Variants in MARCO observed in about 807,000 individuals in gnomAD.
The protein encoded by MARCO is macrophage receptor with collagenous structure, also known as macrophage receptor MARCO.
A neutral mutation model predicts 70.0 loss-of-function variants in MARCO; 72 were observed. The observed-to-expected ratio is 1.03, with a 90% CI of 0.85 to 1.25. The LOEUF (loss-of-function observed/expected upper bound fraction) is 1.25. MARCO is among the 50% of genes most tolerant of loss of function. MARCO has a pLI of 0.00. For synonymous variants in MARCO, 273 were observed against 243.1 expected, an observed-to-expected ratio of 1.12 and a Z score of -1.14; for missense variants, 696 against 659.3, an observed-to-expected ratio of 1.06 and a Z score of -0.61.
chr2:118,959,478 A>C (rs1475445689), intron 1 of MARCO, among the ~76,000 whole-genome samples: 1 of 152,196 alleles, frequency 6.6e-6, no homozygotes, highest in Non-Finnish European at 1.5e-5. Context: ...AAAAAATCAA[A>C]AAAACCACAG....
chr2:118,967,980 C>T (rs909057797), intron 1 of MARCO, among the ~76,000 whole-genome samples: 1 of 152,214 alleles, frequency 6.6e-6, no homozygotes, highest in Non-Finnish European at 1.5e-5. Context: ...GCTAGACCAA[C>T]CTGGGGTCAT....
chr2:118,949,119 G>A (rs56211180), intron 1 of MARCO, among the ~76,000 whole-genome samples: 20,097 of 152,128 alleles, frequency 0.13, 1,468 homozygotes, highest in South Asian at 0.27. Flanking sequence ...AGGCTGATCC[G>A]CAGGGTGTTG....
chr2:118,953,781 T>C (rs909803506), intron 1 of MARCO, among the ~76,000 whole-genome samples: 4 of 152,334 alleles, frequency 2.6e-5, no homozygotes, highest in Non-Finnish European at 4.4e-5. Flanking sequence ...CCTCGTCTCC[T>C]GAACACACAC....
At chr2:118,985,729 C>T (rs1011425481) in intron 12 of MARCO, among the ~76,000 whole-genome samples, 23 of 152,186 alleles carry the variant, frequency 1.5e-4, no homozygotes, top group African/African-American at 2.4e-4. Context: ...GACTCCACTT[C>T]GGCTTGTAAT....
At position 118,969,213 on chromosome 2, in the gene MARCO, A is replaced by T; in HGVS notation, c.151A>T (p.Ile51Phe). The change falls in exon 2 of 17, where the codon ATC becomes TTC. Residue 51 changes from isoleucine (I) to phenylalanine (F), a missense_variant. Physicochemically the swap from Ile to Phe is conservative, Grantham distance 21. This residue lies in a region of MARCO where 605 missense variants were observed against 537.6 expected (regional missense o/e 1.13). Coordinates refer to ENST00000327097, the MANE Select transcript of MARCO (RefSeq NM_006770.4). ...GVNFSLAVVV[I>F]YLILLTAGAG... ...GAACTTCTCCCTAGCTGTGGTGGTC[A>T]TCTACCTGATCCTGCTCACCGCTGG... The T allele has an allele frequency of 6.2e-7, 1 of 1,614,246 alleles. No homozygotes were observed. Among genetic ancestry groups the T allele is most frequent in the Non-Finnish European group, 8.5e-7 (1 of 1,180,044 alleles).
intron 1 of MARCO, among the ~76,000 whole-genome samples, chr2:118,961,556 T>A (rs1222366570): frequency 6.6e-6 from 1 of 152,216 alleles, no homozygotes; most frequent in Admixed American, 6.5e-5. Flanking sequence ...ATTCACTTTT[T>A]AATGAGGTTG....
chr2:118,982,252 C>A lies in MARCO; in HGVS notation c.998C>A (p.Ala333Glu). The change falls in exon 11 of 17, where the codon GCA (alanine) becomes GAA (glutamate). Residue 333 changes from alanine to glutamate, a missense_variant and splice_region_variant. Physicochemically the swap from Ala to Glu is moderately radical, Grantham distance 107 (BLOSUM62 -1). Coordinates refer to ENST00000327097, the MANE Select transcript of MARCO (RefSeq NM_006770.4). ...EPGSAGSPGR[A>E]GLPGSPGSPG... ...GGCAGTGCTGGCTCCCCTGGGCGAG[C>A]AGGTGAGGTCCTGGGTCCTATGGTG... 3.1e-6 allele frequency: 5 copies of A among 1,612,410 alleles called. No homozygotes were observed. The highest frequency in any genetic ancestry group is 4.2e-6 in the Non-Finnish European group (5 of 1,178,772).
intron 1 of MARCO, among the ~76,000 whole-genome samples, chr2:118,960,958 C>A (rs568950454): frequency 4.6e-5 from 7 of 152,040 alleles, no homozygotes; most frequent in African/African-American, 1.7e-4. Flanking sequence ...TCTCATTGTT[C>A]AGCTCCCACA....
At chr2:118,975,383 A>G (rs914954728) in intron 6 of MARCO, among the ~76,000 whole-genome samples, 3 of 152,254 alleles carry the variant, frequency 2.0e-5, no homozygotes. Context: ...GGAGTAAACA[A>G]AGCAGGTCTC....
intron 6 of MARCO, among the ~76,000 whole-genome samples, chr2:118,976,029 G>T (rs13423102): frequency 0.12 from 18,845 of 152,020 alleles, 2,130 homozygotes; most frequent in African/African-American, 0.3. Flanking sequence ...CTCAGGCTAG[G>T]TGACTGAAAC....
intron 12 of MARCO, among the ~76,000 whole-genome samples, chr2:118,989,564 G>A (rs566865181): frequency 6.6e-6 from 1 of 152,316 alleles, no homozygotes; most frequent in Admixed American, 6.5e-5. Flanking sequence ...GGGCCCTGAA[G>A]AGGTCTGCCA....
intron 12 of MARCO, among the ~76,000 whole-genome samples, chr2:118,984,213 G>A (rs1680445345): frequency 6.6e-6 from 1 of 152,200 alleles, no homozygotes; most frequent in African/African-American, 2.4e-5. Context: ...TCCCAGTTCA[G>A]AAAGGATCAG....
Position 118,974,337 on chromosome 2 carries a change from T to C in MARCO, c.465T>C (p.Leu155=). 1 of 1,595,510 alleles carries C rather than the reference T, an allele frequency of 6.3e-7. No homozygotes were observed. Among genetic ancestry groups the C allele is most frequent in the Non-Finnish European group, 8.5e-7 (1 of 1,169,950 alleles). The change falls in exon 5 of 17, where the codon CTT becomes CTC. Residue 155 remains leucine (L), a synonymous_variant. Coordinates refer to ENST00000327097, the MANE Select transcript of MARCO (RefSeq NM_006770.4). ...RIKGEQGAPG[L]QGHKGAMGMP... is the part of the protein sequence containing the mutation. Reference sequence around the variant, plus strand: ...GTCTCTGTTCCTCTTCCTCAGGTCTTCAAGGTCACAAGGGGGCCATGGGCA... The same window carrying C: ...GTCTCTGTTCCTCTTCCTCAGGTCTCCAAGGTCACAAGGGGGCCATGGGCA...
Position 118,971,536 on chromosome 2 carries a change from T to G in MARCO, c.460+2T>G, listed in dbSNP as rs1411725958. The G allele has an allele frequency of 1.2e-6, 2 of 1,613,822 alleles. No individual in the cohort carries two copies. On this transcript the variant is annotated splice_donor_variant, in intron 4 of 16. Coordinates refer to ENST00000327097, the MANE Select transcript of MARCO (RefSeq NM_006770.4). LOFTEE classifies it high-confidence loss of function. ...TCAAAGGTGAACAAGGCGCCCCAGG[T>G]AGGTTCATTTCCACTCACACCCACC...
chr2:118,975,922 C>T (rs1305948739), intron 6 of MARCO, among the ~76,000 whole-genome samples: 1 of 152,188 alleles, frequency 6.6e-6, no homozygotes. Context: ...CCCCCATGCA[C>T]ACACACTCAC....
intron 12 of MARCO, among the ~76,000 whole-genome samples, chr2:118,987,817 T>G (rs1354162236): frequency 6.6e-6 from 1 of 152,240 alleles, no homozygotes; most frequent in African/African-American, 2.4e-5. Flanking sequence ...CAGATGATTC[T>G]GATGTATTCT....
chr2:118,977,810 C>T lies in MARCO; in HGVS notation c.659-18C>T. 6.3e-7 allele frequency: 1 copy of T among 1,592,778 alleles called. No homozygotes were observed. Among genetic ancestry groups the T allele is most frequent in the South Asian group, 1.1e-5 (1 of 88,754 alleles). Reference sequence around the variant, plus strand: ...AAAGGATAGTGGGAGCCCATCTCACCAGCCATTCTCTTTGCAGGCACCCCA... The same window carrying T: ...AAAGGATAGTGGGAGCCCATCTCACTAGCCATTCTCTTTGCAGGCACCCCA... On this transcript the variant is annotated intron_variant, in intron 7 of 16. Transcript: ENST00000327097.
Position 118,981,506 on chromosome 2 carries a change from A to G in MARCO, c.864A>G (p.Pro288=). The change falls in exon 9 of 17, where the codon CCA becomes CCG. Residue 288 remains proline, a splice_region_variant and synonymous_variant. Coordinates refer to ENST00000327097, the MANE Select transcript of MARCO (RefSeq NM_006770.4). ...GTGACTTCGGGAGGCCAGGCCCACCAGGTAAGAGGGCACGTGGTCACATCC... is the reference window on the plus strand; with the variant it reads ...GTGACTTCGGGAGGCCAGGCCCACCGGGTAAGAGGGCACGTGGTCACATCC... ...SKGDFGRPGP[P]GLAGFPGAKG... 7 of 1,600,536 alleles carry G rather than the reference A, an allele frequency of 4.4e-6. No individual in the cohort carries two copies. Among genetic ancestry groups the G allele is most frequent in the Non-Finnish European group, 5.1e-6 (6 of 1,176,194 alleles).
chr2:118,963,471 T>G (rs1343900687), intron 1 of MARCO, among the ~76,000 whole-genome samples: 1 of 152,118 alleles, frequency 6.6e-6, no homozygotes, highest in Non-Finnish European at 1.5e-5. Context: ...TGACCTTGGT[T>G]TTTTTTCATT....
Sources: allele counts gnomAD v4.1 joint callset (sites outside exome capture counted in the v4.1 genomes callset), GRCh38; gene constraint gnomAD v4.1.1; regional missense constraint gnomAD v4.1.1; transcripts MANE v1.5; gene names NCBI Gene and HGNC (gene_info 2026-07-23, HGNC 2026-07-21).